DNAJC21: variants seen among roughly 807,000 people sequenced by gnomAD.
DNAJC21 encodes dnaJ homolog subfamily C member 21.
In DNAJC21, 63 loss-of-function variants were observed where a neutral mutation model predicts 72.4. The ratio of observed to expected loss-of-function variants is 0.87; its 90% CI spans 0.71 to 1.07. The LOEUF is 1.07. DNAJC21 is among the 50% of genes least tolerant of loss of function. The probability of loss-of-function intolerance (pLI) is 0.00; values close to 1 mark genes in which losing one functional copy is unlikely to be tolerated. For missense variants in DNAJC21, 634 were observed against 644.8 expected (o/e 0.98, Z 0.18); for synonymous variants, 203 against 216.7 (o/e 0.94, Z 0.56).
chr5:34,949,571 C>T, intron 9 of DNAJC21: 1 of 1,565,082 alleles, frequency 6.4e-7, no homozygotes, highest in African/African-American at 1.4e-5. Flanking sequence ...TCATATCTGC[C>T]TGCAGCTCAC....
Position 34,938,905 on chromosome 5 carries a change from T to G in DNAJC21, c.791T>G (p.Leu264Trp), listed in dbSNP as rs1764885841. Residue 264 changes from leucine (L) to tryptophan (W), a missense_variant, in exon 6 of 12, where the codon TTG becomes TGG. By Grantham distance (61) the Leu-to-Trp change is moderately conservative. Transcript: ENST00000648817. ...CAGAGCTGGATGACTATGGCCAATT[T>G]GGAGAAAGAGCTCCAGGAGATGGAG... ...REQSWMTMAN[L>W]EKELQEMEAR... is the part of the protein sequence containing the mutation. The G allele has an allele frequency of 1.2e-6, 2 of 1,614,014 alleles. No homozygotes were observed. Among genetic ancestry groups the G allele is most frequent in the Non-Finnish European group, 8.5e-7 (1 of 1,180,018 alleles).
rs558266575 is a variant in DNAJC21 at position 34,956,765 on chromosome 5, A to G, written c.*2051A>G. ...TGACGAAAATCAACCATAATTTTCA[A>G]GGGATCTTCATGGGTTGTGACTGGA... is the stretch of plus-strand genomic sequence containing the variant. On this transcript the variant is annotated 3_prime_UTR_variant, in exon 12 of 12. Coordinates refer to ENST00000648817, the MANE Select transcript of DNAJC21 (RefSeq NM_001012339.3). The G allele has an allele frequency of 6.6e-6, 1 of 152,334 alleles. No individual in the cohort carries two copies. The highest frequency in any genetic ancestry group is 1.5e-5 in the Non-Finnish European group (1 of 68,018). 9.4% of individuals were successfully genotyped at this position (152,334 alleles called of 1,614,324 possible).
rs1043868173 is a variant in DNAJC21 at position 34,929,776 on chromosome 5, A to C, written c.-44A>C. 12 of 1,123,602 alleles carry C rather than the reference A, an allele frequency of 1.1e-5. No homozygotes were observed. Among genetic ancestry groups the C allele is most frequent in the Non-Finnish European group, 1.1e-6 (1 of 890,316 alleles). The allele number at this position is 1,123,602 out of a possible 1,614,324, so 69.6% of individuals were successfully genotyped here. A position where few individuals can be genotyped will look rare whatever the true frequency, so the allele number is the denominator to read the frequency against. On this transcript the variant is annotated 5_prime_UTR_variant, in exon 1 of 12. Transcript: ENST00000648817. ...CGCTTCGGCCCGGGCCCGGGCCCCG[A>C]CCCCGTCCCGGGCCCCAGCGCCGGC...
chr5:34,936,966 G>T (rs1162747489), intron 4 of DNAJC21, among the ~76,000 whole-genome samples: 1 of 151,996 alleles, frequency 6.6e-6, no homozygotes, highest in Non-Finnish European at 1.5e-5. Context: ...GGCCAGGCTG[G>T]TTTCAAACTC....
Position 34,939,026 on chromosome 5 carries a change from T to C in DNAJC21, c.895+17T>C. 2 of 1,493,080 alleles carry C rather than the reference T, an allele frequency of 1.3e-6. No individual in the cohort carries two copies. Among genetic ancestry groups the C allele is most frequent in the Non-Finnish European group, 1.8e-6 (2 of 1,122,992 alleles). The allele number at this position is 1,493,080 out of a possible 1,614,324, so 92.5% of individuals were successfully genotyped here. A position where few individuals can be genotyped will look rare whatever the true frequency, so the allele number is the denominator to read the frequency against. On this transcript the variant is annotated intron_variant, in intron 6 of 11. Transcript: ENST00000648817. ...AGGAGGATGGTAATATTATTTTTAT[T>C]TTATTTATCTTTTTTGTTTTTTAAG...
intron 4 of DNAJC21, 152 bp from the exon 5 acceptor site, chr5:34,937,174 A>G: frequency 1.3e-6 from 1 of 767,568 alleles, no homozygotes; most frequent in Non-Finnish European, 2.0e-6. Flanking sequence ...TTTTCTGGAA[A>G]GCCTTAAAAG....
chr5:34,937,665 C>T (rs376855273), intron 5 of DNAJC21, 35 bp downstream of exon 5: 78 of 1,578,294 alleles, frequency 4.9e-5, no homozygotes, highest in African/African-American at 4.8e-4. Flanking sequence ...TTCTCAGTAT[C>T]GGTGGGGGTC....
intron 9 of DNAJC21, chr5:34,949,599 A>G: frequency 3.1e-6 from 5 of 1,588,680 alleles, no homozygotes; most frequent in Admixed American, 1.8e-5. Context: ...TGGCTTGGGG[A>G]AAAAAGTGTG....
chr5:34,937,299 A>G, intron 4 of DNAJC21, 27 bp from the exon 5 acceptor site: 4 of 1,565,670 alleles, frequency 2.6e-6, no homozygotes, highest in Non-Finnish European at 3.4e-6. Context: ...TAAAGCGCAG[A>G]AGTTAATCTG....
At chr5:34,932,939 C>A (rs1253664559) in intron 1 of DNAJC21, among the ~76,000 whole-genome samples, 1 of 152,254 alleles carries the variant, frequency 6.6e-6, no homozygotes, top group Non-Finnish European at 1.5e-5. Context: ...ACTACCCTTG[C>A]TGACACAGAA....
Position 34,937,364 on chromosome 5 carries a change from C to T in DNAJC21, c.477C>T (p.Cys159=), listed in dbSNP as rs771932546. Residue 159 remains cysteine, a synonymous_variant, in exon 5 of 12, where the codon TGC becomes TGT. Coordinates refer to ENST00000648817, the MANE Select transcript of DNAJC21 (RefSeq NM_001012339.3). ...HPFYAYWQSF[C]TQKNFAWKEE... Reference sequence around the variant, plus strand: ...TCTACGCTTATTGGCAGAGTTTCTGCACTCAAAAGAATTTTGCATGGAAGG... The same window carrying T: ...TCTACGCTTATTGGCAGAGTTTCTGTACTCAAAAGAATTTTGCATGGAAGG... 1.6e-5 allele frequency: 26 copies of T among 1,613,500 alleles called. No homozygotes were observed. In the South Asian group the frequency reaches 2.4e-4, roughly 15 times the overall value.
intron 3 of DNAJC21, 134 bp from the exon 4 acceptor site, chr5:34,936,010 C>A: frequency 7.0e-7 from 1 of 1,427,662 alleles, no homozygotes; most frequent in African/African-American, 1.4e-5. Flanking sequence ...TAGTTGAAAT[C>A]TAAATGTATT....
chr5:34,954,153 C>CTTT, intron 11 of DNAJC21, 152 bp downstream of exon 11: 1 of 594,478 alleles, frequency 1.7e-6, no homozygotes, highest in East Asian at 3.2e-5. Flanking sequence ...TATAATGTAT[C>CTTT]TTTTTTTTTC....
intron 7 of DNAJC21, among the ~76,000 whole-genome samples, chr5:34,941,566 T>TC (rs1764991524): frequency 7.2e-6 from 1 of 137,976 alleles, no homozygotes; most frequent in Non-Finnish European, 1.6e-5. Flanking sequence ...TTTTCTTTTT[T>TC]TTTTTTTTTT....
intron 5 of DNAJC21, among the ~76,000 whole-genome samples, chr5:34,938,142 A>G (rs1232591254): frequency 6.6e-6 from 1 of 152,160 alleles, no homozygotes; most frequent in Non-Finnish European, 1.5e-5. Context: ...GAGACCCTTT[A>G]CATTTGAGAG....
chr5:34,938,414 G>T (rs1764869534), intron 5 of DNAJC21, among the ~76,000 whole-genome samples: 1 of 152,184 alleles, frequency 6.6e-6, no homozygotes, highest in African/African-American at 2.4e-5. Context: ...CTTTTGGTCA[G>T]TGTACCCTGA....
chr5:34,937,298 G>A (rs1161956099), intron 4 of DNAJC21, 28 bp from the exon 5 acceptor site: 1 of 1,565,188 alleles, frequency 6.4e-7, no homozygotes, highest in Non-Finnish European at 8.6e-7. Context: ...TTAAAGCGCA[G>A]AAGTTAATCT....
At position 34,935,155 on chromosome 5, in the gene DNAJC21, C is replaced by T. The variant is rs114052215; in HGVS notation, c.192-555C>T. ...GACCTGCTTCTGAATTCAGACTTTG[C>T]TGGTTACTGGTTTTATTATTATGGA... On this transcript the variant is annotated intron_variant, in intron 2 of 11. Transcript: ENST00000648817. Among the ~76,000 whole-genome samples, 29 of 152,278 alleles carry T rather than the reference C, an allele frequency of 1.9e-4. No individual in the cohort carries two copies. The South Asian group carries it at 3.9e-3, about 21-fold the overall frequency.
At chr5:34,937,167 T>C (rs1041568133) in intron 4 of DNAJC21, among the ~76,000 whole-genome samples, 159 bp from the exon 5 acceptor site, 1 of 152,238 alleles carries the variant, frequency 6.6e-6, no homozygotes, top group African/African-American at 2.4e-5. Flanking sequence ...AGTGATTTTT[T>C]CTGGAAAGCC....
Sources: gnomAD v4.1 joint callset for allele counts (sites outside exome capture counted in the v4.1 genomes callset) on GRCh38, gnomAD v4.1.1 for gene constraint, MANE v1.5 for transcripts, NCBI Gene and HGNC (gene_info 2026-07-23, HGNC 2026-07-21) for gene names.